The following DISC1 variants were observed in gnomAD, a reference collection of about 807,000 sequenced individuals.
DISC1 encodes DISC1 scaffold protein, also known as disrupted in schizophrenia 1 protein.
In DISC1, 57 loss-of-function variants were observed where a neutral mutation model predicts 84.5. The ratio of observed to expected loss-of-function variants is 0.67; its 90% CI spans 0.55 to 0.84. The LOEUF (loss-of-function observed/expected upper bound fraction) is 0.84, where lower values mean the gene tolerates loss of function less well. DISC1 is among the 40% of genes least tolerant of loss of function. The pLI, the probability that DISC1 is intolerant of heterozygous loss-of-function variation, is 0.00. For missense variants in DISC1, 1,000 were observed against 1,057.8 expected (o/e 0.95, Z 0.76); for synonymous variants, 411 against 415.2 (o/e 0.99, Z 0.12).
chr1:232,021,258 A>C (rs1163736389), intron 11 of DISC1, among the ~76,000 whole-genome samples: 5 of 151,482 alleles, frequency 3.3e-5, no homozygotes, highest in Non-Finnish European at 5.9e-5. Flanking sequence ...GTCGTATTGC[A>C]CTCAGATATG....
chr1:231,929,842 T>C (rs1488537346), intron 9 of DISC1, among the ~76,000 whole-genome samples: 1 of 152,190 alleles, frequency 6.6e-6, no homozygotes, highest in Non-Finnish European at 1.5e-5. Context: ...CCACCATTGT[T>C]GTTGTTGAAG....
At chr1:231,982,043 G>C (rs76489245) in intron 10 of DISC1, among the ~76,000 whole-genome samples, 1,538 of 152,222 alleles carry the variant, frequency 0.01, 29 homozygotes, top group African/African-American at 0.035. Context: ...AAATTAGAGA[G>C]ACCAGAAAGG....
chr1:231,730,780 A>T (rs190023403), intron 3 of DISC1, among the ~76,000 whole-genome samples: 1 of 152,262 alleles, frequency 6.6e-6, no homozygotes, highest in Admixed American at 6.5e-5. Context: ...CAGTGCACAG[A>T]ATTGGTCATT....
chr1:231,818,279 G>A, intron 8 of DISC1, 50 bp from the exon 9 acceptor site: 1 of 1,570,124 alleles, frequency 6.4e-7, no homozygotes, highest in Non-Finnish European at 8.8e-7. Context: ...CCATGTGTGT[G>A]GATGCTGTAA....
intron 3 of DISC1, among the ~76,000 whole-genome samples, chr1:231,733,188 G>C (rs1018553553): frequency 1.3e-5 from 2 of 151,352 alleles, no homozygotes; most frequent in African/African-American, 4.9e-5. Context: ...TGTTTACTTG[G>C]CAAATTCTTG....
At chr1:231,692,161 T>C (rs2065114128) in intron 1 of DISC1, among the ~76,000 whole-genome samples, 1 of 152,120 alleles carries the variant, frequency 6.6e-6, no homozygotes, top group South Asian at 2.1e-4. Flanking sequence ...TTTAGCTGTA[T>C]TATTGGTAAA....
intron 10 of DISC1, among the ~76,000 whole-genome samples, chr1:231,983,097 C>T (rs559324470): frequency 2.3e-4 from 35 of 152,170 alleles, no homozygotes; most frequent in Non-Finnish European, 5.0e-4. Flanking sequence ...ACAGCATGAC[C>T]ATGGCAAACT....
chr1:231,888,510 C>T (rs762038486), intron 9 of DISC1, among the ~76,000 whole-genome samples: 3 of 150,950 alleles, frequency 2.0e-5, no homozygotes, highest in Middle Eastern at 3.2e-3. Flanking sequence ...TTTGGGAGGC[C>T]GAGGGGGGTG....
intron 10 of DISC1, among the ~76,000 whole-genome samples, chr1:231,977,472 G>A (rs533455097): frequency 2.2e-4 from 33 of 152,240 alleles, no homozygotes; most frequent in African/African-American, 7.7e-4. Context: ...TCCAGTCTCT[G>A]CTTCTTCATT....
chr1:231,894,376 A>G (rs1314604245), intron 9 of DISC1, among the ~76,000 whole-genome samples: 1 of 152,254 alleles, frequency 6.6e-6, no homozygotes, highest in Non-Finnish European at 1.5e-5. Flanking sequence ...TTTTTAATTA[A>G]GAAAATATTA....
chr1:231,921,144 G>A (rs2089978735), intron 9 of DISC1, among the ~76,000 whole-genome samples: 1 of 151,076 alleles, frequency 6.6e-6, no homozygotes, highest in South Asian at 2.1e-4. Flanking sequence ...TCAATCTCCT[G>A]ACCTCGTGAT....
chr1:231,643,289 A>G (rs1202925030), intron 1 of DISC1, among the ~76,000 whole-genome samples: 2 of 152,162 alleles, frequency 1.3e-5, no homozygotes, highest in Non-Finnish European at 2.9e-5. Context: ...ATTCCTATTC[A>G]GTTTCCTTGT....
At chr1:231,665,032 A>G (rs1030810820) in intron 1 of DISC1, among the ~76,000 whole-genome samples, 1 of 152,256 alleles carries the variant, frequency 6.6e-6, no homozygotes, top group Non-Finnish European at 1.5e-5. Flanking sequence ...ATCAAAACGT[A>G]TGCAAACAGA....
intron 6 of DISC1, among the ~76,000 whole-genome samples, chr1:231,786,413 CA>C (rs528193297): frequency 6.6e-6 from 1 of 152,182 alleles, no homozygotes; most frequent in Non-Finnish European, 1.5e-5. Context: ...CAGATAAGAA[CA>C]GGAACAGAGT....
chr1:231,728,492 G>GT (rs1183677825), intron 3 of DISC1, among the ~76,000 whole-genome samples: 1 of 152,188 alleles, frequency 6.6e-6, no homozygotes, highest in Non-Finnish European at 1.5e-5. Context: ...TTAATACCTA[G>GT]TAAGAGTCAT....
intron 4 of DISC1, among the ~76,000 whole-genome samples, chr1:231,757,009 C>T (rs2075208461): frequency 6.6e-6 from 1 of 152,080 alleles, no homozygotes; most frequent in Non-Finnish European, 1.5e-5. Flanking sequence ...CTCACACAGC[C>T]CAGAGCCTGG....
chr1:231,778,426 C>G (rs1289331338), intron 6 of DISC1, among the ~76,000 whole-genome samples: 1 of 152,104 alleles, frequency 6.6e-6, no homozygotes, highest in Admixed American at 6.5e-5. Flanking sequence ...TTCCTAGGAG[C>G]TCTATGTTAA....
chr1:232,013,761 T>C (rs1411450717), intron 11 of DISC1, among the ~76,000 whole-genome samples: 2 of 152,122 alleles, frequency 1.3e-5, no homozygotes, highest in Admixed American at 6.5e-5. Flanking sequence ...TTTATTCCTC[T>C]TGGGTATGGG....
At chr1:231,705,539 T>G (rs2066984796) in intron 3 of DISC1, among the ~76,000 whole-genome samples, 1 of 151,796 alleles carries the variant, frequency 6.6e-6, no homozygotes. Context: ...AAGTTAGGCT[T>G]GAAAGGAGAC....
Sources: allele counts gnomAD v4.1 joint callset (sites outside exome capture counted in the v4.1 genomes callset), GRCh38; gene constraint gnomAD v4.1.1; transcripts MANE v1.5; gene names NCBI Gene and HGNC (gene_info 2026-07-23, HGNC 2026-07-21).